Variants in SLC41A3 observed in about 807,000 individuals in gnomAD.
The protein encoded by SLC41A3 is SLC41A1-like 2.
SLC41A3 carries 44 observed loss-of-function variants against 45.4 expected under a neutral mutation model. The ratio of observed to expected loss-of-function variants is 0.97; its 90% CI spans 0.76 to 1.25. SLC41A3 has a LOEUF of 1.25. Ranked by LOEUF, SLC41A3 falls within the 50% of genes most tolerant of loss-of-function variation. The pLI is 0.00. For synonymous variants in SLC41A3, 256 were observed against 252.4 expected (o/e 1.01, Z -0.13); for missense variants, 550 against 600.6 (o/e 0.92, Z 0.88).
chr3:126,045,530 T>C (rs890089934), intron 3 of SLC41A3, among the ~76,000 whole-genome samples: 2 of 152,160 alleles, frequency 1.3e-5, no homozygotes, highest in Admixed American at 6.5e-5. Flanking sequence ...CTAATTAAAA[T>C]GGATATATTC....
chr3:126,057,143 G>A, intron 2 of SLC41A3: 6 of 985,390 alleles, frequency 6.1e-6, no homozygotes, highest in Non-Finnish European at 7.2e-6. Flanking sequence ...ATTCCTCAAG[G>A]TCAAGCAGTC....
intron 2 of SLC41A3, among the ~76,000 whole-genome samples, chr3:126,063,694 C>T (rs1035146990): frequency 1.3e-5 from 2 of 152,208 alleles, no homozygotes; most frequent in African/African-American, 4.8e-5. Context: ...AAGGCCTCAG[C>T]CAGTCACTCC....
rs114282344 is a variant in SLC41A3 at position 126,029,009 on chromosome 3, C to T, written c.454-2530G>A. ...CCCACTGTATCTTGAAAGTAACTAACTTGTTTTTGATATTATAGGCTCATA... is the reference window on the plus strand; with the variant it reads ...CCCACTGTATCTTGAAAGTAACTAATTTGTTTTTGATATTATAGGCTCATA... On this transcript the variant is annotated intron_variant, in intron 4 of 10. Coordinates refer to ENST00000360370, the MANE Select transcript of SLC41A3 (RefSeq NM_017836.4). 1.3e-3 allele frequency among the ~76,000 whole-genome samples: 199 copies of T among 152,328 alleles called. 1 individual carries two copies. The highest frequency in any genetic ancestry group is 3.8e-3 in the African/African-American group (158 of 41,570).
rs1163910330 is a variant in SLC41A3, at chr3:126,008,878, T to C, written c.1108A>G (p.Ile370Val). ...AGGACTCGAGCTGACATGGAATTGA[T>C]TTCTGAAAGAAACAGAACCAAGAAG... ...NPCSTFCTSE[I>V]NSMSARVLLL... The change falls in exon 10 of 11, where the codon ATC becomes GTC. Residue 370 changes from isoleucine (I) to valine (V), a missense_variant and splice_region_variant. Coordinates refer to ENST00000360370, the MANE Select transcript of SLC41A3 (RefSeq NM_017836.4). 1 of 1,613,900 alleles carries C rather than the reference T, an allele frequency of 6.2e-7. No individual in the cohort carries two copies. The highest frequency in any genetic ancestry group is 1.7e-5 in the Admixed American group (1 of 60,024).
intron 2 of SLC41A3, among the ~76,000 whole-genome samples, chr3:126,063,949 A>ACCCCCCCCCCCCCCCCC (rs56806357): frequency 9.8e-6 from 1 of 101,996 alleles, no homozygotes; most frequent in African/African-American, 3.4e-5. Flanking sequence ...GCCAGATCCA[A>ACCCCCCCCCCCCCCCCC]CCCCCCCCCG....
In SLC41A3 at chr3:126,042,201, C is replaced by T. The variant is rs367966827; in HGVS notation, c.382-8523G>A. 1.2e-4 allele frequency among the ~76,000 whole-genome samples: 18 copies of T among 152,180 alleles called. 1 individual carries two copies. In the South Asian group the frequency reaches 2.1e-3, roughly 18 times the overall value. Reference sequence around the variant, plus strand: ...CTCATGGAGGAAATGTAGGCCCATGCGTGCCTGGGGGAAAGAGATTATGGA... The same window carrying T: ...CTCATGGAGGAAATGTAGGCCCATGTGTGCCTGGGGGAAAGAGATTATGGA... On this transcript the variant is annotated intron_variant, in intron 3 of 10. Coordinates refer to ENST00000360370, the MANE Select transcript of SLC41A3 (RefSeq NM_017836.4).
intron 3 of SLC41A3, among the ~76,000 whole-genome samples, chr3:126,039,475 T>G (rs1942437227): frequency 6.6e-6 from 1 of 152,178 alleles, no homozygotes; most frequent in South Asian, 2.1e-4. Context: ...AGAAGACCAG[T>G]GAGGTGAGGT....
At chr3:126,056,445 G>C in intron 2 of SLC41A3, 1 of 1,614,224 alleles carries the variant, frequency 6.2e-7, no homozygotes, top group Non-Finnish European at 8.5e-7. Context: ...TGATGGTGAA[G>C]AAAGATTCAG....
At chr3:126,070,667 G>T (rs1944575170) in intron 1 of SLC41A3, among the ~76,000 whole-genome samples, 1 of 152,058 alleles carries the variant, frequency 6.6e-6, no homozygotes, top group Non-Finnish European at 1.5e-5. Context: ...AAGTAAAGGA[G>T]AAATTAAGAG....
Position 126,006,438 on chromosome 3 carries a change from G to A in SLC41A3, c.*578C>T. The A allele has an allele frequency of 6.2e-7, 1 of 1,611,776 alleles. No homozygotes were observed. Among genetic ancestry groups the A allele is most frequent in the South Asian group, 1.1e-5 (1 of 90,248 alleles). On this transcript the variant is annotated 3_prime_UTR_variant, in exon 11 of 11. Coordinates refer to ENST00000360370, the MANE Select transcript of SLC41A3 (RefSeq NM_017836.4). ...AGAGGTTTTTGCTAACAAACAAAAA[G>A]GAAAATAAAAAGACAGCAAGGACAC...
At chr3:126,095,642 A>G (rs1371873667) in intron 1 of SLC41A3, among the ~76,000 whole-genome samples, 3 of 152,224 alleles carry the variant, frequency 2.0e-5, no homozygotes, top group South Asian at 2.1e-4. Flanking sequence ...TGTTCCTATA[A>G]TTGAGGCATA....
chr3:126,055,067 G>A (rs923380621), intron 2 of SLC41A3, among the ~76,000 whole-genome samples: 1 of 152,098 alleles, frequency 6.6e-6, no homozygotes, highest in African/African-American at 2.4e-5. Flanking sequence ...TGGCCTGGTG[G>A]GTACAGACTG....
At chr3:126,058,059 C>T (rs1261422356) in intron 2 of SLC41A3, 1 of 152,298 alleles carries the variant, frequency 6.6e-6, no homozygotes, top group Non-Finnish European at 1.5e-5. Flanking sequence ...ACCACGTGGT[C>T]ACACATAGAG....
intron 2 of SLC41A3, chr3:126,056,336 C>T (rs780944141): frequency 9.7e-5 from 156 of 1,609,452 alleles, no homozygotes; most frequent in Non-Finnish European, 1.2e-4. Context: ...CACCCCTGAT[C>T]CCCCAAACAC....
intron 3 of SLC41A3, among the ~76,000 whole-genome samples, chr3:126,048,994 C>T (rs1198577511): frequency 3.3e-5 from 5 of 152,152 alleles, no homozygotes; most frequent in African/African-American, 9.7e-5. Context: ...CTTTGACAGA[C>T]TGTTGTAATG....
Position 126,006,742 on chromosome 3 carries a change from T to G in SLC41A3, c.*274A>C. ...CTTCTCAGGCCAGAACACCCTCCTC[T>G]CCACAAACGTGTGCACACTTGCACG... On this transcript the variant is annotated 3_prime_UTR_variant, in exon 11 of 11. Coordinates refer to ENST00000360370, the MANE Select transcript of SLC41A3 (RefSeq NM_017836.4). The G allele has an allele frequency of 6.9e-7, 1 of 1,444,556 alleles. No individual in the cohort carries two copies. The allele number at this position is 1,444,556 out of a possible 1,614,324, so 89.5% of individuals were successfully genotyped here.
At chr3:126,011,058 G>A (rs1422786400) in intron 9 of SLC41A3, among the ~76,000 whole-genome samples, 1 of 152,190 alleles carries the variant, frequency 6.6e-6, no homozygotes. Context: ...ATCTCAACCT[G>A]GATGAGAAAA....
chr3:126,033,579 G>A (rs376123148), intron 4 of SLC41A3, 28 bp downstream of exon 4: 3 of 1,607,258 alleles, frequency 1.9e-6, no homozygotes, highest in Non-Finnish European at 1.7e-6. Context: ...AGATTCAGAA[G>A]GGAGGGTCGG....
At chr3:126,088,161 C>G (rs1382063270), upstream of SLC41A3, among the ~76,000 whole-genome samples, 1 of 151,790 alleles carries the variant, frequency 6.6e-6, no homozygotes, top group Non-Finnish European at 1.5e-5. Context: ...GAAAACAGGC[C>G]AATAAAATTA....
Sources: gnomAD v4.1 joint callset for allele counts (sites outside exome capture counted in the v4.1 genomes callset) on GRCh38, gnomAD v4.1.1 for gene constraint, MANE v1.5 for transcripts, NCBI Gene and HGNC (gene_info 2026-07-23, HGNC 2026-07-21) for gene names.